The following PHACTR1 variants were observed in gnomAD, a reference collection of about 807,000 sequenced individuals.
PHACTR1 encodes the protein phosphatase and actin regulator 1.
In PHACTR1, 16 loss-of-function variants were observed where a neutral mutation model predicts 69.2. That is an observed-to-expected ratio of 0.23 (90% confidence interval 0.16 to 0.35). PHACTR1 has a LOEUF of 0.35. PHACTR1 is among the 10% of genes least tolerant of loss of function. The pLI is 1.00. For missense variants in PHACTR1, 510 were observed against 734.7 expected (o/e 0.69, Z 3.54); for synonymous variants, 312 against 284.5 (o/e 1.10, Z -0.97).
At chr6:13,092,448 T>C (rs1813441864) in intron 5 of PHACTR1, among the ~76,000 whole-genome samples, 1 of 152,198 alleles carries the variant, frequency 6.6e-6, no homozygotes, top group African/African-American at 2.4e-5. Context: ...TCCAGTCTAA[T>C]GGTAAAGAAT....
intron 4 of PHACTR1, among the ~76,000 whole-genome samples, chr6:12,838,729 A>G (rs1451744276): frequency 6.6e-6 from 1 of 152,190 alleles, no homozygotes; most frequent in African/African-American, 2.4e-5. Flanking sequence ...AATTTCATTC[A>G]ATAGCCTCAA....
At chr6:13,212,437 C>A (rs992606549) in intron 8 of PHACTR1, among the ~76,000 whole-genome samples, 13 of 152,124 alleles carry the variant, frequency 8.5e-5, no homozygotes, top group Admixed American at 2.6e-4. Context: ...TCCTCTGTGA[C>A]CCCTTCTCAG....
At chr6:12,906,374 C>T (rs980608882) in intron 4 of PHACTR1, among the ~76,000 whole-genome samples, 43 of 152,254 alleles carry the variant, frequency 2.8e-4, no homozygotes, top group Admixed American at 7.2e-4. Flanking sequence ...CCTTTTCTCC[C>T]TCCAAAAACC....
Position 13,053,524 on chromosome 6 carries a change from C to G in PHACTR1, c.410C>G (p.Ser137Ter). The G allele has an allele frequency of 6.2e-7, 1 of 1,613,222 alleles. No individual in the cohort carries two copies. The highest frequency in any genetic ancestry group is 8.5e-7 in the Non-Finnish European group (1 of 1,179,592). Residue 137 changes from serine to a stop codon, truncating the protein, a stop_gained, in exon 5 of 15, where the codon TCA (serine) becomes TGA (stop). Coordinates refer to ENST00000332995, the MANE Select transcript of PHACTR1 (RefSeq NM_030948.6). LOFTEE classifies it high-confidence loss of function. ...KKKSEKFKHT[S>*]AALERKISMR... is the part of the protein sequence containing the mutation. ...AAAAGCGAAAAGTTCAAACACACGT[C>G]AGCAGGTAAGATGATTTGTTCTTTC...
chr6:13,065,626 C>G (rs1175183498), intron 5 of PHACTR1, among the ~76,000 whole-genome samples: 3 of 151,898 alleles, frequency 2.0e-5, no homozygotes, highest in Non-Finnish European at 4.4e-5. Context: ...TAGCAAACAA[C>G]AAAAGGGGAT....
chr6:13,019,070 A>ATTTTT (rs10635069), intron 4 of PHACTR1, among the ~76,000 whole-genome samples: 6 of 142,684 alleles, frequency 4.2e-5, no homozygotes, highest in South Asian at 4.4e-4. Context: ...ATATATATAT[A>ATTTTT]TATATTTTTT....
chr6:12,805,410 C>T (rs1774189473), intron 4 of PHACTR1, among the ~76,000 whole-genome samples: 1 of 152,106 alleles, frequency 6.6e-6, no homozygotes, highest in Non-Finnish European at 1.5e-5. Flanking sequence ...TCTCACTTCT[C>T]CCAGTCTCAA....
At chr6:13,036,950 C>T (rs1328512775) in intron 4 of PHACTR1, among the ~76,000 whole-genome samples, 3 of 152,162 alleles carry the variant, frequency 2.0e-5, no homozygotes, top group Admixed American at 6.5e-5. Flanking sequence ...GTGTCATAAA[C>T]GGTCCTTGCC....
chr6:13,074,336 T>C (rs1424078856), intron 5 of PHACTR1, among the ~76,000 whole-genome samples: 6 of 152,332 alleles, frequency 3.9e-5, no homozygotes, highest in Non-Finnish European at 8.8e-5. Context: ...CTTATGACTT[T>C]GGCAAAGATA....
chr6:13,035,976 C>G (rs769094895), intron 4 of PHACTR1, among the ~76,000 whole-genome samples: 1 of 152,118 alleles, frequency 6.6e-6, no homozygotes, highest in Non-Finnish European at 1.5e-5. Flanking sequence ...TTAGTGCCTA[C>G]CACATGCTAA....
intron 4 of PHACTR1, among the ~76,000 whole-genome samples, chr6:12,999,328 G>A (rs1797810673): frequency 6.6e-6 from 1 of 152,208 alleles, no homozygotes; most frequent in South Asian, 2.1e-4. Context: ...GGCCGGGCAT[G>A]GTGGCTCACG....
chr6:13,201,542 AT>A (rs1321336469), intron 7 of PHACTR1, among the ~76,000 whole-genome samples: 1 of 152,152 alleles, frequency 6.6e-6, no homozygotes, highest in African/African-American at 2.4e-5. Context: ...CTGTAGGGAG[AT>A]AGATATCTGG....
intron 4 of PHACTR1, among the ~76,000 whole-genome samples, chr6:12,969,418 G>A (rs1442771231): frequency 6.6e-6 from 1 of 152,112 alleles, no homozygotes; most frequent in Non-Finnish European, 1.5e-5. Flanking sequence ...TGAAAATCTA[G>A]CAACCTGTCT....
At chr6:13,286,066 T>C (rs1781634060) in intron 13 of PHACTR1, 80 bp from the exon 14 acceptor site, 2 of 1,187,684 alleles carry the variant, frequency 1.7e-6, no homozygotes, top group Non-Finnish European at 1.2e-6. Context: ...AAGAAAAATA[T>C]GTTGTTAGGA....
chr6:12,915,028 G>A (rs1213012384), intron 4 of PHACTR1, among the ~76,000 whole-genome samples: 2 of 152,180 alleles, frequency 1.3e-5, no homozygotes, highest in African/African-American at 4.8e-5. Context: ...TGGAGCTCAA[G>A]TCCTGGAGTA....
At chr6:12,877,234 C>T (rs757085240) in intron 4 of PHACTR1, among the ~76,000 whole-genome samples, 2 of 152,098 alleles carry the variant, frequency 1.3e-5, no homozygotes, top group South Asian at 2.1e-4. Context: ...TTGGGGTGAC[C>T]GCTGAAAGGG....
intron 4 of PHACTR1, among the ~76,000 whole-genome samples, chr6:12,930,069 A>G (rs1788703879): frequency 6.8e-6 from 1 of 147,100 alleles, no homozygotes; most frequent in African/African-American, 2.5e-5. Context: ...TTAGATGGGG[A>G]TCTTGCTCTG....
rs554865490 is a variant in PHACTR1 at position 13,220,214 on chromosome 6, T to C, written c.987-7602T>C. Among the ~76,000 whole-genome samples the C allele has an allele frequency of 1.4e-3, 210 of 152,328 alleles. 2 individuals carry two copies. Among genetic ancestry groups the C allele is most frequent in the Admixed American group, 2.7e-3 (42 of 15,304 alleles). ...ATCTTTAAGACATTGTGTGGAAATA[T>C]TCCGAAATGGTGCATCTATCTGTCC... On this transcript the variant is annotated intron_variant, in intron 8 of 14. Coordinates refer to ENST00000332995, the MANE Select transcript of PHACTR1 (RefSeq NM_030948.6).
intron 5 of PHACTR1, among the ~76,000 whole-genome samples, chr6:13,080,211 T>C (rs1164716805): frequency 2.0e-5 from 3 of 152,100 alleles, no homozygotes; most frequent in Non-Finnish European, 4.4e-5. Flanking sequence ...CCAGCACAAC[T>C]ATCCTGACTT....
Sources: gnomAD v4.1 joint callset for allele counts (sites outside exome capture counted in the v4.1 genomes callset) on GRCh38, gnomAD v4.1.1 for gene constraint, MANE v1.5 for transcripts, NCBI Gene and HGNC (gene_info 2026-07-23, HGNC 2026-07-21) for gene names.